Variants in PTPRN2 observed in about 807,000 individuals in gnomAD.
PTPRN2 encodes the protein protein tyrosine phosphatase receptor type N2.
In PTPRN2, 74 loss-of-function variants were observed where a neutral mutation model predicts 118.8. The observed-to-expected ratio is 0.62, with a 90% confidence interval of 0.52 to 0.76. The LOEUF (loss-of-function observed/expected upper bound fraction) is 0.76, where lower values mean the gene tolerates loss of function less well. Ranked by LOEUF, PTPRN2 falls within the 30% of genes least tolerant of loss-of-function variation. The pLI is 0.00. For synonymous variants in PTPRN2, 641 were observed against 608.0 expected (o/e 1.05, Z -0.80); for missense variants, 1,481 against 1,394.4 (o/e 1.06, Z -0.99).
rs1437298756 is a variant in PTPRN2 at position 158,110,807 on chromosome 7, A to C, written c.1643+22T>G. 9.0e-6 allele frequency: 14 copies of C among 1,562,856 alleles called. 1 individual carries two copies. In the Middle Eastern group the frequency reaches 5.0e-4, roughly 56 times the overall value. ...GACCAAGCAACAGGAGCCAAACAGA[A>C]ACCCCAGGGCCCCGTACTTACTCCA... On this transcript the variant is annotated intron_variant, in intron 10 of 22. Coordinates refer to ENST00000389418, the MANE Select transcript of PTPRN2 (RefSeq NM_002847.5).
intron 11 of PTPRN2, among the ~76,000 whole-genome samples, chr7:157,973,485 C>A (rs1476569356): frequency 6.6e-6 from 1 of 152,188 alleles, no homozygotes; most frequent in South Asian, 2.1e-4. Context: ...TATTTATATA[C>A]ACCATTTAAA....
intron 2 of PTPRN2, among the ~76,000 whole-genome samples, chr7:158,339,917 CCA>C (rs1469775203): frequency 4.6e-5 from 5 of 109,028 alleles, no homozygotes; most frequent in Non-Finnish European, 9.8e-5. Flanking sequence ...TCACTCACAC[CCA>C]CACTCTCACC....
intron 3 of PTPRN2, among the ~76,000 whole-genome samples, chr7:158,268,890 G>A (rs1197462530): frequency 6.7e-5 from 9 of 134,770 alleles, no homozygotes; most frequent in African/African-American, 2.2e-4. Context: ...CCAGCCGCAC[G>A]CACACAGAGT....
At chr7:158,578,564 AG>A (rs1828465329) in intron 1 of PTPRN2, among the ~76,000 whole-genome samples, 1 of 140,294 alleles carries the variant, frequency 7.1e-6, no homozygotes, top group Non-Finnish European at 1.6e-5. Flanking sequence ...ATAGATTCAA[AG>A]AGTACATGTA....
intron 2 of PTPRN2, among the ~76,000 whole-genome samples, chr7:158,342,368 C>G (rs535003155): frequency 1.1e-4 from 16 of 147,360 alleles, no homozygotes; most frequent in African/African-American, 3.8e-4. Context: ...CACCCACACT[C>G]TCACCATAAG....
intron 13 of PTPRN2, chr7:157,669,430 C>CAG (rs1043668694): frequency 8.8e-6 from 4 of 455,182 alleles, no homozygotes; most frequent in African/African-American, 8.0e-5. Context: ...CACGCGCACA[C>CAG]ACACACACAC....
chr7:157,542,669 A>G (rs1310360921), intron 22 of PTPRN2, among the ~76,000 whole-genome samples: 2 of 152,212 alleles, frequency 1.3e-5, no homozygotes, highest in African/African-American at 4.8e-5. Flanking sequence ...CAGTCACCGG[A>G]CAGAGCAGCA....
intron 1 of PTPRN2, among the ~76,000 whole-genome samples, chr7:158,514,601 C>CCA (rs1823403457): frequency 6.6e-6 from 1 of 152,154 alleles, no homozygotes; most frequent in Non-Finnish European, 1.5e-5. Context: ...TGCAGCAACC[C>CCA]CACCTCTTCC....
intron 12 of PTPRN2, among the ~76,000 whole-genome samples, chr7:157,849,722 T>C (rs928859511): frequency 2.6e-5 from 4 of 152,186 alleles, no homozygotes; most frequent in Admixed American, 6.5e-5. Context: ...ACTATCCAGG[T>C]GGCCGTCATT....
chr7:157,633,073 C>T (rs368612731), intron 14 of PTPRN2, among the ~76,000 whole-genome samples: 15 of 152,066 alleles, frequency 9.9e-5, no homozygotes, highest in African/African-American at 2.2e-4. Flanking sequence ...GACCTAGGTT[C>T]GGGAGCACAG....
intron 14 of PTPRN2, among the ~76,000 whole-genome samples, chr7:157,644,801 A>AC: frequency 1.2e-5 from 1 of 85,376 alleles, no homozygotes; most frequent in Non-Finnish European, 3.0e-5. Flanking sequence ...ATCTCAAAAA[A>AC]CAAAAAAAAA....
At chr7:158,333,440 C>G (rs1425012029) in intron 2 of PTPRN2, among the ~76,000 whole-genome samples, 1 of 147,230 alleles carries the variant, frequency 6.8e-6, no homozygotes, top group South Asian at 2.1e-4. Context: ...AGAGGTGACA[C>G]CTGCAGACGT....
intron 6 of PTPRN2, among the ~76,000 whole-genome samples, chr7:158,149,134 C>T: frequency 6.6e-6 from 1 of 150,982 alleles, no homozygotes. Context: ...CACCCCATCT[C>T]ACGCCACGTG....
chr7:157,862,438 C>T (rs897888426), intron 12 of PTPRN2: 1 of 152,218 alleles, frequency 6.6e-6, no homozygotes, highest in Non-Finnish European at 1.5e-5. Context: ...TGTACACCAC[C>T]GGCTTATTTA....
At position 157,621,356 on chromosome 7, in the gene PTPRN2, AC is replaced by A. The variant is rs771846880; in HGVS notation, c.2344+5del. ...CAGGCTTCCTGCCCCCGGGGCTGGT[AC>A]GTACAGGTCAGCACGGCCAGGGAGC... On this transcript the variant is annotated splice_donor_5th_base_variant and intron_variant, in intron 15 of 22. Coordinates refer to ENST00000389418, the MANE Select transcript of PTPRN2 (RefSeq NM_002847.5). The A allele has an allele frequency of 4.4e-6, 7 of 1,608,860 alleles. No individual in the cohort carries two copies. The highest frequency in any genetic ancestry group is 1.7e-5 in the Admixed American group (1 of 59,868).
chr7:158,142,382 C>T (rs554208093), intron 6 of PTPRN2, among the ~76,000 whole-genome samples: 163 of 152,316 alleles, frequency 1.1e-3, no homozygotes, highest in African/African-American at 3.6e-3. Flanking sequence ...CTGACGCTGG[C>T]GCATCCCTGT....
intron 13 of PTPRN2, among the ~76,000 whole-genome samples, chr7:157,663,344 G>A (rs924721210): frequency 2.0e-5 from 3 of 152,160 alleles, no homozygotes; most frequent in African/African-American, 4.8e-5. Flanking sequence ...ACGTGCCCCT[G>A]GGAAGACGTG....
chr7:157,809,284 G>C (rs959291783), intron 12 of PTPRN2, among the ~76,000 whole-genome samples: 7 of 151,214 alleles, frequency 4.6e-5, no homozygotes, highest in Non-Finnish European at 8.8e-5. Context: ...CACCACCCCT[G>C]CCGTGTGAGC....
At chr7:158,020,550 G>A (rs1454510784) in intron 11 of PTPRN2, among the ~76,000 whole-genome samples, 1 of 152,154 alleles carries the variant, frequency 6.6e-6, no homozygotes, top group East Asian at 1.9e-4. Context: ...GCGGAGAGGA[G>A]AGGCCGGCCC....
Sources: allele counts gnomAD v4.1 joint callset (sites outside exome capture counted in the v4.1 genomes callset), GRCh38; gene constraint gnomAD v4.1.1; transcripts MANE v1.5; gene names NCBI Gene and HGNC (gene_info 2026-07-23, HGNC 2026-07-21).